Variants in EGLN3 observed in about 807,000 individuals in gnomAD.
EGLN3 encodes the protein prolyl hydroxylase EGLN3.
EGLN3 carries 15 observed loss-of-function variants against 26.0 expected under a neutral mutation model. The observed-to-expected ratio is 0.58, with a 90% CI of 0.39 to 0.89. The LOEUF is 0.89. Ranked by LOEUF, EGLN3 falls within the 40% of genes least tolerant of loss-of-function variation. EGLN3 has a pLI of 0.00. For missense variants in EGLN3, 238 were observed against 311.6 expected (o/e 0.76, Z 1.78); for synonymous variants, 147 against 127.2 (o/e 1.16, Z -1.05).
chr14:33,933,157 C>T (rs770200855), intron 1 of EGLN3, among the ~76,000 whole-genome samples: 2 of 152,136 alleles, frequency 1.3e-5, no homozygotes, highest in Non-Finnish European at 1.5e-5. Flanking sequence ...CCCAGGCTGT[C>T]TCTTTCCTAT....
At chr14:33,926,744 C>T (rs1363428465) in intron 4 of EGLN3, among the ~76,000 whole-genome samples, 2 of 152,146 alleles carry the variant, frequency 1.3e-5, no homozygotes, top group African/African-American at 4.8e-5. Flanking sequence ...AACCATCATA[C>T]ATTCAGTGGG....
chr14:33,933,927 A>G (rs1214682145), intron 1 of EGLN3, among the ~76,000 whole-genome samples: 1 of 152,222 alleles, frequency 6.6e-6, no homozygotes, highest in African/African-American at 2.4e-5. Context: ...TTTAATGATC[A>G]TATAACAAAC....
In EGLN3 at chr14:33,951,074, G is replaced by C; in HGVS notation, c.-322C>G. ...GCCACCACTGCCGCGACTGCGGCCA[G>C]ACTCCGGGAGACGCTGAGGTCCGGC... On this transcript the variant is annotated 5_prime_UTR_variant, in exon 1 of 5. Transcript: ENST00000250457. 3.4e-6 allele frequency: 1 copy of C among 297,132 alleles called. No individual in the cohort carries two copies. The highest frequency in any genetic ancestry group is 4.7e-5 in the Admixed American group (1 of 21,090). 18.4% of individuals were successfully genotyped at this position (297,132 alleles called of 1,614,324 possible).
In EGLN3 at chr14:33,924,869, T is replaced by A. The variant is rs1436343143; in HGVS notation, c.*1022A>T. 2 of 147,596 alleles carry A rather than the reference T, an allele frequency of 1.4e-5. No homozygotes were observed. Among genetic ancestry groups the A allele is most frequent in the African/African-American group, 5.0e-5 (2 of 40,208 alleles). 9.1% of individuals were successfully genotyped at this position (147,596 alleles called of 1,614,324 possible). A position where few individuals can be genotyped will look rare whatever the true frequency, so the allele number is the denominator to read the frequency against. ...CAAATAGCTTTGAGATTTTTTTATT[T>A]CCACTTCCTTTTTTAAAATACATCA... On this transcript the variant is annotated 3_prime_UTR_variant, in exon 5 of 5. Coordinates refer to ENST00000250457, the MANE Select transcript of EGLN3 (RefSeq NM_022073.4).
At chr14:33,934,698 G>A (rs1052336524) in intron 1 of EGLN3, among the ~76,000 whole-genome samples, 3 of 152,138 alleles carry the variant, frequency 2.0e-5, no homozygotes, top group Non-Finnish European at 2.9e-5. Context: ...CCACCCTGCC[G>A]TTACCACTTC....
chr14:33,950,236 G>T, intron 1 of EGLN3, 160 bp downstream of exon 1: 1 of 701,470 alleles, frequency 1.4e-6, no homozygotes. Context: ...AGGAGCTGGG[G>T]CGAGGGGTGG....
In EGLN3 at chr14:33,929,101, C is replaced by T; in HGVS notation, c.589G>A (p.Glu197Lys). The change falls in exon 3 of 5, where the codon GAA becomes AAA. Residue 197 changes from glutamate to lysine, a missense_variant. Coordinates refer to ENST00000250457, the MANE Select transcript of EGLN3 (RefSeq NM_022073.4). Reference sequence around the variant, plus strand: ...CTGGTTGCGTAAGAGGGCTGCACTTCGTGTGGGTTCCTACGATCTGACCAG... The same window carrying T: ...CTGGTTGCGTAAGAGGGCTGCACTTTGTGTGGGTTCCTACGATCTGACCAG... ...FFWSDRRNPH[E>K]VQPSYATRYA... The T allele has an allele frequency of 2.5e-6, 4 of 1,614,046 alleles. No individual in the cohort carries two copies. Among genetic ancestry groups the T allele is most frequent in the Non-Finnish European group, 8.5e-7 (1 of 1,180,008 alleles).
At chr14:33,930,138 G>A (rs553095860) in intron 2 of EGLN3, among the ~76,000 whole-genome samples, 8 of 152,212 alleles carry the variant, frequency 5.3e-5, no homozygotes, top group South Asian at 2.1e-4. Context: ...ATAATACAAC[G>A]CCTGACACTA....
At chr14:33,946,353 G>T (rs930608123) in intron 1 of EGLN3, among the ~76,000 whole-genome samples, 1 of 151,654 alleles carries the variant, frequency 6.6e-6, no homozygotes, top group African/African-American at 2.4e-5. Context: ...TCCAACCTGC[G>T]CAACAGGAGC....
intron 3 of EGLN3, among the ~76,000 whole-genome samples, chr14:33,927,719 C>A (rs1291792703): frequency 6.6e-6 from 1 of 152,134 alleles, no homozygotes; most frequent in Non-Finnish European, 1.5e-5. Context: ...CTGGGAGACC[C>A]AAGTTGGTGG....
At chr14:33,946,702 A>T (rs1392615979) in intron 1 of EGLN3, among the ~76,000 whole-genome samples, 1 of 152,184 alleles carries the variant, frequency 6.6e-6, no homozygotes, top group Non-Finnish European at 1.5e-5. Flanking sequence ...AGGATCCCAA[A>T]TTTCCCCTCT....
rs1555343506 is a variant in EGLN3, at chr14:33,934,476, A to AAAC, written c.358-3262_358-3261insGTT. ...AGTGAGCTGACTTCATAAAAAAAAA[A>AAAC]AAAAAACCTATCTCATCAAGTCCAA... is the stretch of plus-strand genomic sequence containing the variant. On this transcript the variant is annotated intron_variant, in intron 1 of 4. Coordinates refer to ENST00000250457, the MANE Select transcript of EGLN3 (RefSeq NM_022073.4). Among the ~76,000 whole-genome samples, 60 of 151,978 alleles carry AAAC rather than the reference A, an allele frequency of 3.9e-4. 1 individual carries two copies. Among genetic ancestry groups the AAAC allele is most frequent in the African/African-American group, 1.4e-3 (56 of 41,454 alleles).
At position 33,925,874 on chromosome 14, in the gene EGLN3, C is replaced by T; in HGVS notation, c.*17G>A. On this transcript the variant is annotated 3_prime_UTR_variant, in exon 5 of 5. Coordinates refer to ENST00000250457, the MANE Select transcript of EGLN3 (RefSeq NM_022073.4). ...CCGTTACTAAAATGAACAAGGCCAG[C>T]AGATTTCAGAGCACGGTCAGTCTTC... 6.2e-7 allele frequency: 1 copy of T among 1,613,904 alleles called. No individual in the cohort carries two copies. Among genetic ancestry groups the T allele is most frequent in the Non-Finnish European group, 8.5e-7 (1 of 1,179,844 alleles).
chr14:33,950,467 A>C lies in EGLN3; in HGVS notation c.286T>G (p.Ser96Ala). The C allele has an allele frequency of 6.2e-7, 1 of 1,613,654 alleles. No homozygotes were observed. The highest frequency in any genetic ancestry group is 1.1e-5 in the South Asian group (1 of 91,076). Residue 96 changes from serine (S) to alanine (A), a missense_variant, in exon 1 of 5, where the codon TCC becomes GCC. Physicochemically the swap from Ser to Ala is moderately conservative, Grantham distance 99. Transcript: ENST00000250457. ...TAGAGGACCAGCCTGTCGATGAGGG[A>C]CAGGAGGAAGCTGATGGCCTCGCAG... ...EGCEAISFLL[S>A]LIDRLVLYCG...
At chr14:33,949,897 A>T in intron 1 of EGLN3, 1 of 208,472 alleles carries the variant, frequency 4.8e-6, no homozygotes, top group Non-Finnish European at 9.6e-6. Context: ...CACCTGCCCA[A>T]CTCCACAAAC....
At chr14:33,948,420 ATCTAAAGGGCAGGGAGCTTTG>A (rs2064532685) in intron 1 of EGLN3, 2 of 152,248 alleles carry the variant, frequency 1.3e-5, no homozygotes, top group South Asian at 4.1e-4. Flanking sequence ...AAGGTGATTT[ATCTAAAGGGCAGGGAGCTTTG>A]TGACAAACCA....
intron 1 of EGLN3, chr14:33,949,374 T>C (rs1457042705): frequency 1.3e-5 from 2 of 152,248 alleles, no homozygotes; most frequent in Non-Finnish European, 2.9e-5. Flanking sequence ...GAGTGGTACA[T>C]AGGTGAGTGT....
rs746078552 is a variant in EGLN3, at chr14:33,929,140, T to C, written c.550A>G (p.Arg184Gly). ...CGATCTGACCAGAAGAACAGGAGTC[T>C]GTCAAAAATGGGCTCCACATCTGCT... ...FIADVEPIFD[R>G]LLFFWSDRRN... is the part of the protein sequence containing the mutation. The change falls in exon 3 of 5, where the codon AGA (arginine) becomes GGA (glycine). Residue 184 changes from arginine (R) to glycine (G), a missense_variant. By Grantham distance (125) the Arg-to-Gly change is moderately radical. Coordinates refer to ENST00000250457, the MANE Select transcript of EGLN3 (RefSeq NM_022073.4). 2 of 1,614,228 alleles carry C rather than the reference T, an allele frequency of 1.2e-6. No individual in the cohort carries two copies. The highest frequency in any genetic ancestry group is 1.7e-6 in the Non-Finnish European group (2 of 1,180,038).
chr14:33,928,336 G>T (rs1284210424), intron 3 of EGLN3, among the ~76,000 whole-genome samples: 1 of 152,068 alleles, frequency 6.6e-6, no homozygotes, highest in Non-Finnish European at 1.5e-5. Flanking sequence ...CTCTCCTCCT[G>T]CCCCTGAATG....
Sources: gnomAD v4.1 joint callset for allele counts (sites outside exome capture counted in the v4.1 genomes callset) on GRCh38, gnomAD v4.1.1 for gene constraint, MANE v1.5 for transcripts, NCBI Gene and HGNC (gene_info 2026-07-23, HGNC 2026-07-21) for gene names.